The following NEXMIF variants were observed in gnomAD, a reference collection of about 807,000 sequenced individuals.
NEXMIF encodes the protein XLMR protein related to neurite extension.
In NEXMIF, 8 loss-of-function variants were observed where a neutral mutation model predicts 62.1. That is an observed-to-expected ratio of 0.13 (90% CI 0.08 to 0.23). NEXMIF has a LOEUF of 0.23. NEXMIF is among the 10% of genes least tolerant of loss of function. NEXMIF has a pLI of 1.00. For synonymous variants in NEXMIF, 404 were observed against 416.6 expected (o/e 0.97, Z 0.37); for missense variants, 976 against 1,113.3 (o/e 0.88, Z 1.75).
At chrX:74,891,668 G>GA (rs2080718271) in intron 1 of NEXMIF, among the ~76,000 whole-genome samples, 1 of 111,978 alleles carries the variant, frequency 8.9e-6, no homozygotes, top group South Asian at 3.7e-4. Context: ...GGGTGGTTCA[G>GA]AAAAAACCAA....
intron 1 of NEXMIF, among the ~76,000 whole-genome samples, chrX:74,920,716 A>T (rs959012547): frequency 1.8e-5 from 2 of 111,779 alleles, no homozygotes; most frequent in Admixed American, 1.9e-4. Flanking sequence ...CTATGTCCTG[A>T]ATGGTAATGC....
intron 1 of NEXMIF, among the ~76,000 whole-genome samples, chrX:74,791,770 T>A: frequency 9.1e-6 from 1 of 109,350 alleles, no homozygotes; most frequent in Non-Finnish European, 1.9e-5. Context: ...TGCATAGAGG[T>A]GTTTTTAGTA....
chrX:74,791,984 C>T (rs1274048080), intron 1 of NEXMIF, among the ~76,000 whole-genome samples: 2 of 110,606 alleles, frequency 1.8e-5, no homozygotes, highest in South Asian at 7.8e-4. Context: ...TTCAGTTCTG[C>T]TCTGATCTTA....
At chrX:74,799,537 A>G (rs1456131262) in intron 1 of NEXMIF, among the ~76,000 whole-genome samples, 2 of 112,610 alleles carry the variant, frequency 1.8e-5, no homozygotes, top group South Asian at 3.7e-4. Context: ...CAGCACATGC[A>G]TGCATGCACA....
intron 1 of NEXMIF, among the ~76,000 whole-genome samples, chrX:74,831,985 T>C (rs2080439289): frequency 8.9e-6 from 1 of 112,497 alleles, no homozygotes; most frequent in Admixed American, 9.4e-5. Flanking sequence ...TGAATGATCA[T>C]ACTAATGTAT....
intron 1 of NEXMIF, among the ~76,000 whole-genome samples, chrX:74,860,378 G>T (rs1455990654): frequency 8.9e-6 from 1 of 111,793 alleles, no homozygotes; most frequent in East Asian, 2.8e-4. Flanking sequence ...AGAAACATCT[G>T]ATTTATTCTG....
In NEXMIF at chrX:74,741,094, A is replaced by G; in HGVS notation, c.3463T>C (p.Cys1155Arg). 8.3e-7 allele frequency: 1 copy of G among 1,211,636 alleles called. No homozygotes were observed. The highest frequency in any genetic ancestry group is 1.1e-6 in the Non-Finnish European group (1 of 895,409). ...GATGGATCATTAAATGTTGACAGGC[A>G]AGGGTTTTTTTGGAGCAGGCTGACA... ...DSVSLLQKNPCLSTFNDPSGQ... is the reference protein window; with the variant it reads ...DSVSLLQKNPRLSTFNDPSGQ... The change falls in exon 3 of 4, where the codon TGC becomes CGC. Residue 1155 changes from cysteine (C) to arginine (R), a missense_variant. Transcript: ENST00000055682.
At chrX:74,883,436 G>A (rs1386539950) in intron 1 of NEXMIF, among the ~76,000 whole-genome samples, 1 of 111,576 alleles carries the variant, frequency 9.0e-6, no homozygotes, top group Non-Finnish European at 1.9e-5. Flanking sequence ...AAAACCAATG[G>A]AGAGAAGACC....
At chrX:74,783,013 G>C (rs1447742298) in intron 1 of NEXMIF, among the ~76,000 whole-genome samples, 1 of 111,169 alleles carries the variant, frequency 9.0e-6, no homozygotes, top group Non-Finnish European at 1.9e-5. Context: ...GTAAGTTGTT[G>C]ATGAATCCTA....
intron 1 of NEXMIF, among the ~76,000 whole-genome samples, chrX:74,887,406 C>G (rs896967776): frequency 9.0e-6 from 1 of 111,277 alleles, no homozygotes; most frequent in African/African-American, 3.3e-5. Flanking sequence ...ACTCATCTGA[C>G]AAAGGGCTAA....
chrX:74,825,482 T>C (rs191704864), intron 1 of NEXMIF, among the ~76,000 whole-genome samples: 66 of 111,394 alleles, frequency 5.9e-4, no homozygotes, highest in African/African-American at 2.0e-3. Flanking sequence ...GAACAAGTAG[T>C]ATTTGGTTTT....
chrX:74,860,190 T>C lies in NEXMIF; in HGVS notation c.-48+64693A>G, dbSNP rs1301430192. 2.7e-5 allele frequency among the ~76,000 whole-genome samples: 3 copies of C among 111,691 alleles called. No homozygotes were observed. The East Asian group carries it at 8.4e-4, about 31-fold the overall frequency. The stretch of plus-strand genomic sequence containing the variant: ...TCAGTATAAAATGATAAAGGGTTAA[T>C]TCAACAAGAGGATATACCAATTTTA... On this transcript the variant is annotated intron_variant, in intron 1 of 3. Transcript: ENST00000055682.
intron 1 of NEXMIF, among the ~76,000 whole-genome samples, chrX:74,765,428 A>G (rs2080191711): frequency 9.0e-6 from 1 of 111,578 alleles, no homozygotes; most frequent in Admixed American, 9.5e-5. Flanking sequence ...ATTTACATTC[A>G]AGATTAGTAT....
At chrX:74,802,168 T>A (rs1212738818) in intron 1 of NEXMIF, among the ~76,000 whole-genome samples, 1 of 111,617 alleles carries the variant, frequency 9.0e-6, no homozygotes, top group African/African-American at 3.3e-5. Flanking sequence ...CAGGCCTGGG[T>A]GCTTTTGCCA....
At chrX:74,801,990 G>A (rs2080331235) in intron 1 of NEXMIF, among the ~76,000 whole-genome samples, 1 of 112,010 alleles carries the variant, frequency 8.9e-6, no homozygotes, top group Non-Finnish European at 1.9e-5. Flanking sequence ...GGAAATGGGA[G>A]GGAAGAGTGG....
intron 1 of NEXMIF, among the ~76,000 whole-genome samples, chrX:74,858,049 C>T (rs769340664): frequency 3.6e-5 from 4 of 112,329 alleles, no homozygotes; most frequent in South Asian, 3.7e-4. Flanking sequence ...TAGTTCCTGG[C>T]CTGGATGGCA....
At chrX:74,872,655 T>A (rs775168205) in intron 1 of NEXMIF, among the ~76,000 whole-genome samples, 2 of 109,960 alleles carry the variant, frequency 1.8e-5, no homozygotes, top group Non-Finnish European at 3.8e-5. Context: ...TAATTATACA[T>A]TTTAAAAATA....
chrX:74,893,757 T>C (rs990816013), intron 1 of NEXMIF, among the ~76,000 whole-genome samples: 2 of 112,178 alleles, frequency 1.8e-5, no homozygotes, highest in Non-Finnish European at 1.9e-5. Flanking sequence ...GCAGAAATTA[T>C]AGCATCCTAA....
At chrX:74,877,186 G>A (rs1393418546) in intron 1 of NEXMIF, among the ~76,000 whole-genome samples, 1 of 111,030 alleles carries the variant, frequency 9.0e-6, no homozygotes, top group East Asian at 2.8e-4. Context: ...GGGCAGGCCT[G>A]GTGGTGACAA....
Sources: allele counts gnomAD v4.1 joint callset (sites outside exome capture counted in the v4.1 genomes callset), GRCh38; gene constraint gnomAD v4.1.1; transcripts MANE v1.5; gene names NCBI Gene and HGNC (gene_info 2026-07-23, HGNC 2026-07-21).